The following PABPC1 variants were observed in gnomAD, a reference collection of about 807,000 sequenced individuals.
The protein encoded by PABPC1 is poly(A) binding protein cytoplasmic 1, also known as polyadenylate-binding protein 1.
PABPC1 carries 4 observed loss-of-function variants against 74.0 expected under a neutral mutation model. That is an observed-to-expected ratio of 0.05 (90% CI 0.03 to 0.12). The LOEUF is 0.12. Among genes scored for constraint, PABPC1 ranks in the 10% least tolerant of loss-of-function variants. The pLI, the probability that PABPC1 is intolerant of heterozygous loss-of-function variation, is 1.00. For missense variants in PABPC1, 271 were observed against 821.1 expected, an observed-to-expected ratio of 0.33 and a Z score of 8.19; for synonymous variants, 227 against 264.1, an observed-to-expected ratio of 0.86 and a Z score of 1.36.
chr8:100,708,099 A>G (rs1810429431), intron 9 of PABPC1, among the ~76,000 whole-genome samples: 1 of 152,364 alleles, frequency 6.6e-6, no homozygotes, highest in Admixed American at 6.5e-5. Context: ...ATATATAATC[A>G]TATCTAAGAT....
In PABPC1 at chr8:100,704,235, AC is replaced by A. The variant is rs1810322330; in HGVS notation, c.*1+61del. Reference sequence around the variant, plus strand: ...CTATGTACATTTCAAAATATGCTCAACAAACTTTATAAAAGATGAAGAAAAC... The same window carrying A: ...CTATGTACATTTCAAAATATGCTCAAAAACTTTATAAAAGATGAAGAAAAC... On this transcript the variant is annotated intron_variant, in intron 14 of 14. Coordinates refer to ENST00000318607, the MANE Select transcript of PABPC1 (RefSeq NM_002568.4). The A allele has an allele frequency of 7.8e-6, 10 of 1,289,812 alleles. No individual in the cohort carries two copies. The South Asian group carries it at 1.2e-4, about 15-fold the overall frequency. The allele number at this position is 1,289,812 out of a possible 1,614,324, so 79.9% of individuals were successfully genotyped here.
intron 7 of PABPC1, 80 bp downstream of exon 7, chr8:100,712,282 T>C: frequency 1.2e-6 from 1 of 803,238 alleles, no homozygotes; most frequent in Non-Finnish European, 2.0e-6. Flanking sequence ...GTGGCTATAA[T>C]AATACAAAAT....
intron 9 of PABPC1, among the ~76,000 whole-genome samples, chr8:100,707,474 G>A (rs950563976): frequency 6.6e-6 from 1 of 152,214 alleles, no homozygotes; most frequent in Non-Finnish European, 1.5e-5. Flanking sequence ...ACTGGAGAGG[G>A]GGCCCTTCCC....
chr8:100,709,758 A>G (rs570929712), intron 7 of PABPC1, 27 bp from the exon 8 acceptor site: 3 of 1,572,590 alleles, frequency 1.9e-6, no homozygotes, highest in Admixed American at 2.0e-5. Flanking sequence ...AAAAAAAGTT[A>G]ACGTAATGGT....
At chr8:100,704,856 C>T (rs1810341115) in intron 13 of PABPC1, 70 bp downstream of exon 13, 2 of 1,465,680 alleles carry the variant, frequency 1.4e-6, no homozygotes, top group South Asian at 2.3e-5. Flanking sequence ...GTGTTCTGTA[C>T]AATTAAGTCC....
At position 100,712,422 on chromosome 8, in the gene PABPC1, A is replaced by C; in HGVS notation, c.912T>G (p.Gly304=). 6.2e-7 allele frequency: 1 copy of C among 1,610,122 alleles called. No homozygotes were observed. The highest frequency in any genetic ancestry group is 8.5e-7 in the Non-Finnish European group (1 of 1,177,590). ...CTTTCCGGAGACGTTCATCATCAAT[A>C]CCATCATCAAGATTTTTCACATAAA... is the stretch of plus-strand genomic sequence containing the variant. The part of the protein sequence containing the change: ...VNLYVKNLDD[G]IDDERLRKEF... The change falls in exon 7 of 15, where the codon GGT becomes GGG. Residue 304 remains glycine (G), a synonymous_variant. Transcript: ENST00000318607.
chr8:100,707,787 T>TC (rs1216341063), intron 9 of PABPC1, among the ~76,000 whole-genome samples: 4 of 152,200 alleles, frequency 2.6e-5, no homozygotes, highest in Non-Finnish European at 5.9e-5. Flanking sequence ...AGACTCCCTT[T>TC]CCCGGTCTGC....
rs1810478277 is a variant in PABPC1 at position 100,709,741 on chromosome 8, A to G, written c.973-10T>C. On this transcript the variant is annotated splice_polypyrimidine_tract_variant and intron_variant, in intron 7 of 14. Coordinates refer to ENST00000318607, the MANE Select transcript of PABPC1 (RefSeq NM_002568.4). ...CACCCTCCATCATAACCTATTAAAA[A>G]AAAGAAAAAAAAAGTTAACGTAATG... 2 of 1,492,832 alleles carry G rather than the reference A, an allele frequency of 1.3e-6. No homozygotes were observed. Among genetic ancestry groups the G allele is most frequent in the South Asian group, 1.4e-5 (1 of 71,202 alleles). 92.5% of individuals were successfully genotyped at this position (1,492,832 alleles called of 1,614,324 possible).
chr8:100,712,362 C>T lies in PABPC1; in HGVS notation c.972G>A (p.Lys324=), dbSNP rs542121179. The T allele has an allele frequency of 3.2e-6, 5 of 1,556,660 alleles. No homozygotes were observed. The highest frequency in any genetic ancestry group is 1.2e-5 in the South Asian group (1 of 86,902). ...ATAAATGAACCATATGTTTTCTTAC[C>T]TTTGCACTAGTGATTGTACCAAATG... ...FSPFGTITSA[K]VMMEGGRSKG... Residue 324 remains lysine, a splice_region_variant and synonymous_variant, in exon 7 of 15, where the codon AAG becomes AAA. Transcript: ENST00000318607.
At chr8:100,707,451 G>C (rs371244860) in intron 9 of PABPC1, among the ~76,000 whole-genome samples, 38 of 152,312 alleles carry the variant, frequency 2.5e-4, no homozygotes, top group African/African-American at 8.9e-4. Flanking sequence ...AAGGTCACGT[G>C]GGTTACGTGT....
chr8:100,704,918 T>G lies in PABPC1; in HGVS notation c.1818+8A>C, dbSNP rs1367794849. On this transcript the variant is annotated splice_region_variant and intron_variant, in intron 13 of 14. Coordinates refer to ENST00000318607, the MANE Select transcript of PABPC1 (RefSeq NM_002568.4). The stretch of plus-strand genomic sequence containing the variant: ...TAAGAGGCAACTTGGTAAATAAATT[T>G]AAATCACCTTAGAACGGAGTGACTC... The G allele has an allele frequency of 1.2e-6, 2 of 1,610,974 alleles. No homozygotes were observed. Among genetic ancestry groups the G allele is most frequent in the African/African-American group, 1.3e-5 (1 of 74,810 alleles).
At chr8:100,705,768 C>A in intron 11 of PABPC1, 95 bp from the exon 12 acceptor site, 1 of 796,490 alleles carries the variant, frequency 1.3e-6, no homozygotes, top group South Asian at 1.5e-5. Context: ...TGGTAGACTT[C>A]CATCGAAACA....
intron 7 of PABPC1, chr8:100,709,976 C>T: frequency 2.6e-6 from 1 of 384,062 alleles, no homozygotes; most frequent in East Asian, 4.0e-5. Flanking sequence ...TGCACAGAAA[C>T]TTTTAAAGAT....
chr8:100,721,548 C>A lies in PABPC1; in HGVS notation c.36G>T (p.Ser12=), dbSNP rs756458447. The A allele has an allele frequency of 2.5e-6, 4 of 1,607,906 alleles. No individual in the cohort carries two copies. In the East Asian group the frequency reaches 6.7e-5, roughly 27 times the overall value. ...CGGGGTGGAGGTCCCCCACGTAGAG[C>A]GAGGCCATGGGGTAGCTGGGGGCAC... ...NPSAPSYPMA[S]LYVGDLHPDV... is the part of the protein sequence containing the mutation. Residue 12 remains serine (S), a synonymous_variant, in exon 1 of 15, where the codon TCG becomes TCT. Transcript: ENST00000318607. This position sits in a 1 kb window ranked among gnomAD's most constrained non-coding sequence, Gnocchi z 7.4.
intron 9 of PABPC1, among the ~76,000 whole-genome samples, chr8:100,708,230 A>G (rs1378985569): frequency 1.3e-5 from 2 of 152,188 alleles, no homozygotes; most frequent in East Asian, 3.9e-4. Flanking sequence ...TACCTGAAAC[A>G]TAATCATGAT....
At chr8:100,716,772 C>CA (rs1810681446) in intron 3 of PABPC1, among the ~76,000 whole-genome samples, 1 of 152,252 alleles carries the variant, frequency 6.6e-6, no homozygotes, top group African/African-American at 2.4e-5. Context: ...CAACACACTA[C>CA]AGCCTTGGCT....
intron 3 of PABPC1, among the ~76,000 whole-genome samples, chr8:100,717,437 T>C (rs1045628773): frequency 1.3e-5 from 2 of 152,268 alleles, no homozygotes; most frequent in Admixed American, 6.5e-5. Context: ...TCTGAATTCC[T>C]GATTTTTCAC....
chr8:100,715,741 G>A, intron 3 of PABPC1, 140 bp from the exon 4 acceptor site: 1 of 534,434 alleles, frequency 1.9e-6, no homozygotes, highest in Non-Finnish European at 3.2e-6. Context: ...ATAGAAATAG[G>A]GCCATAATTT....
At chr8:100,713,818 C>T (rs538722420) in intron 4 of PABPC1, among the ~76,000 whole-genome samples, 1 of 151,640 alleles carries the variant, frequency 6.6e-6, no homozygotes, top group African/African-American at 2.4e-5. Flanking sequence ...AATTAAGAAA[C>T]AAGTATTTAT....
Sources: allele counts gnomAD v4.1 joint callset (sites outside exome capture counted in the v4.1 genomes callset), GRCh38; gene constraint gnomAD v4.1.1; non-coding constraint Gnocchi (gnomAD v3.1); transcripts MANE v1.5; gene names NCBI Gene and HGNC (gene_info 2026-07-23, HGNC 2026-07-21).